PLEKHA5: variants seen among roughly 807,000 people sequenced by gnomAD.
PLEKHA5 encodes the protein pleckstrin homology domain containing A5.
Under a neutral mutation model 181.9 loss-of-function variants are expected in PLEKHA5, and 55 were observed. The observed-to-expected ratio is 0.30, with a 90% confidence interval of 0.24 to 0.38. The LOEUF (loss-of-function observed/expected upper bound fraction) is 0.38. PLEKHA5 is among the 10% of genes least tolerant of loss of function. The pLI, the probability that PLEKHA5 is intolerant of heterozygous loss-of-function variation, is 1.00. For synonymous variants in PLEKHA5, 535 were observed against 529.4 expected (o/e 1.01, Z -0.15); for missense variants, 1,432 against 1,549.5 (o/e 0.92, Z 1.27).
chr12:19,281,001 A>G (rs1009422889), intron 11 of PLEKHA5, among the ~76,000 whole-genome samples: 10 of 151,930 alleles, frequency 6.6e-5, no homozygotes, highest in African/African-American at 1.9e-4. Flanking sequence ...GCAAGCCACC[A>G]CGCCCAGCCT....
In PLEKHA5 at chr12:19,226,049, T is replaced by G. The variant is rs970812962; in HGVS notation, c.228-27891T>G. Among the ~76,000 whole-genome samples, 23 of 152,340 alleles carry G rather than the reference T, an allele frequency of 1.5e-4. No individual in the cohort carries two copies. The East Asian group carries it at 4.4e-3, about 29-fold the overall frequency. ...TTCATATCGTGTAAAAGTAACCGTT[T>G]TAAAATGTACAGTACATTGGTATTT... is the stretch of plus-strand genomic sequence containing the variant. On this transcript the variant is annotated intron_variant, in intron 3 of 31. Transcript: ENST00000429027.
At chr12:19,153,127 T>TA (rs1187828623) in intron 3 of PLEKHA5, 2 of 152,232 alleles carry the variant, frequency 1.3e-5, no homozygotes, top group Non-Finnish European at 1.5e-5. Flanking sequence ...AGCTCTGATG[T>TA]AAAAATGAAG....
chr12:19,360,183 A>AT (rs2095156492), intron 28 of PLEKHA5, among the ~76,000 whole-genome samples: 1 of 151,964 alleles, frequency 6.6e-6, no homozygotes, highest in Non-Finnish European at 1.5e-5. Context: ...TACAAAAATT[A>AT]GCCAGGTGTG....
At chr12:19,296,105 G>A (rs1367652862) in intron 15 of PLEKHA5, among the ~76,000 whole-genome samples, 4 of 152,076 alleles carry the variant, frequency 2.6e-5, no homozygotes, top group African/African-American at 4.8e-5. Context: ...ATGGTGGTGG[G>A]CACCTGTAAT....
At chr12:19,323,815 CAAAAA>C (rs376204923) in intron 20 of PLEKHA5, among the ~76,000 whole-genome samples, 1 of 115,998 alleles carries the variant, frequency 8.6e-6, no homozygotes. Context: ...GACTCTGTTT[CAAAAA>C]AAAAAAAAAA....
At chr12:19,273,895 G>C (rs1197026546) in intron 10 of PLEKHA5, among the ~76,000 whole-genome samples, 1 of 152,178 alleles carries the variant, frequency 6.6e-6, no homozygotes, top group Non-Finnish European at 1.5e-5. Context: ...TTACCAAAGA[G>C]GAAGCATAGG....
intron 15 of PLEKHA5, among the ~76,000 whole-genome samples, chr12:19,312,252 A>T (rs761770705): frequency 5.9e-5 from 9 of 152,234 alleles, no homozygotes; most frequent in Non-Finnish European, 1.3e-4. Context: ...TCACAATAGT[A>T]AATGAGCATC....
rs1280881766 is a variant in PLEKHA5 at position 19,320,061 on chromosome 12, G to T, written c.2154+5G>T. 7.6e-6 allele frequency: 8 copies of T among 1,047,282 alleles called. No homozygotes were observed. Among genetic ancestry groups the T allele is most frequent in the African/African-American group, 4.8e-5 (3 of 61,878 alleles). 64.9% of individuals were successfully genotyped at this position (1,047,282 alleles called of 1,614,324 possible). A position where few individuals can be genotyped will look rare whatever the true frequency, so the allele number is the denominator to read the frequency against. On this transcript the variant is annotated splice_donor_5th_base_variant and intron_variant, in intron 17 of 31. Coordinates refer to ENST00000429027, the MANE Select transcript of PLEKHA5 (RefSeq NM_001256470.2). ...AGCAAGATAAGTCTATATTGTGTAT[G>T]TGTGTTTATATATTATATATATGTA...
intron 28 of PLEKHA5, among the ~76,000 whole-genome samples, chr12:19,360,623 AAAAG>A (rs1379031103): frequency 6.6e-6 from 1 of 152,210 alleles, no homozygotes; most frequent in East Asian, 1.9e-4. Flanking sequence ...AGAAAAAAGA[AAAAG>A]AAAAAAAGAA....
rs182948445 is a variant in PLEKHA5, at chr12:19,365,881, G to C, written c.3609-83G>C. ...AAATGTTCGTTGTTAAACATAGGTG[G>C]TGGCATCTTTTATAACAAAAAAAAG... On this transcript the variant is annotated intron_variant, in intron 29 of 31. Transcript: ENST00000429027. 4.9e-5 allele frequency: 39 copies of C among 794,220 alleles called. No individual in the cohort carries two copies. In the East Asian group the frequency reaches 1.1e-3, roughly 23 times the overall value. The allele number at this position is 794,220 out of a possible 1,614,324, so 49.2% of individuals were successfully genotyped here.
At chr12:19,344,351 G>C (rs1399881456) in intron 22 of PLEKHA5, among the ~76,000 whole-genome samples, 1 of 152,058 alleles carries the variant, frequency 6.6e-6, no homozygotes, top group East Asian at 1.9e-4. Flanking sequence ...TTACACTTTA[G>C]AAGTTTTATC....
At chr12:19,283,838 A>G in intron 12 of PLEKHA5, 93 bp downstream of exon 12, 2 of 758,750 alleles carry the variant, frequency 2.6e-6, no homozygotes, top group South Asian at 3.6e-5. Flanking sequence ...AGACAAAAGA[A>G]TGGGGATAAA....
intron 6 of PLEKHA5, among the ~76,000 whole-genome samples, chr12:19,259,514 GCCAAGGTGGGTGGATCA>G (rs2067797673): frequency 6.6e-6 from 1 of 152,122 alleles, no homozygotes; most frequent in South Asian, 2.1e-4. Flanking sequence ...ACTTTGGGAG[GCCAAGGTGGGTGGATCA>G]CCTTAGGACA....
chr12:19,295,913 C>T (rs955082117), intron 15 of PLEKHA5, among the ~76,000 whole-genome samples: 13 of 152,226 alleles, frequency 8.5e-5, no homozygotes, highest in African/African-American at 3.1e-4. Context: ...ACCCTAACCA[C>T]ACTGAAGAAA....
intron 3 of PLEKHA5, among the ~76,000 whole-genome samples, chr12:19,207,900 G>A (rs1202868027): frequency 1.3e-5 from 2 of 152,112 alleles, no homozygotes; most frequent in African/African-American, 4.8e-5. Context: ...AGTAGATAAG[G>A]TGATTGTAAT....
chr12:19,263,914 T>TA (rs1427883661), intron 7 of PLEKHA5, among the ~76,000 whole-genome samples: 5 of 152,142 alleles, frequency 3.3e-5, no homozygotes, highest in Admixed American at 2.6e-4. Flanking sequence ...ACTGAGTACT[T>TA]ACTCTTTGTC....
At chr12:19,259,796 T>G (rs1012918253) in intron 6 of PLEKHA5, among the ~76,000 whole-genome samples, 154 of 151,940 alleles carry the variant, frequency 1.0e-3, no homozygotes, top group African/African-American at 3.5e-3. Context: ...AATTTTTTTT[T>G]TTTTTTTTGG....
intron 3 of PLEKHA5, among the ~76,000 whole-genome samples, chr12:19,224,281 C>T (rs142886699): frequency 5.6e-4 from 85 of 152,222 alleles, no homozygotes; most frequent in African/African-American, 2.0e-3. Flanking sequence ...AATAAAGTAA[C>T]TCTCAAGTAT....
chr12:19,322,445 C>A, intron 19 of PLEKHA5, 55 bp downstream of exon 19: 1 of 1,566,130 alleles, frequency 6.4e-7, no homozygotes, highest in Non-Finnish European at 8.8e-7. Context: ...TGATTATTAT[C>A]AGGACACTGA....
Sources: allele counts gnomAD v4.1 joint callset (sites outside exome capture counted in the v4.1 genomes callset), GRCh38; gene constraint gnomAD v4.1.1; transcripts MANE v1.5; gene names NCBI Gene and HGNC (gene_info 2026-07-23, HGNC 2026-07-21).